ZC3H11A: variants seen among roughly 807,000 people sequenced by gnomAD.
ZC3H11A encodes the protein zinc finger CCCH-type containing 11A.
In ZC3H11A, 22 loss-of-function variants were observed where a neutral mutation model predicts 90.8. The ratio of observed to expected loss-of-function variants is 0.24; its 90% CI spans 0.17 to 0.35. ZC3H11A has a LOEUF of 0.35. Ranked by LOEUF, ZC3H11A falls within the 10% of genes least tolerant of loss-of-function variation. The pLI, the probability that ZC3H11A is intolerant of heterozygous loss-of-function variation, is 1.00. For synonymous variants in ZC3H11A, 294 were observed against 339.8 expected, an observed-to-expected ratio of 0.87 and a Z score of 1.48; for missense variants, 701 against 964.9, an observed-to-expected ratio of 0.73 and a Z score of 3.62.
At chr1:203,810,833 A>G (rs1360135165) in intron 2 of ZC3H11A, among the ~76,000 whole-genome samples, 1 of 152,066 alleles carries the variant, frequency 6.6e-6, no homozygotes, top group East Asian at 1.9e-4. Flanking sequence ...CTTTGCAGAA[A>G]ATGATTTGAA....
chr1:203,850,732 A>G (rs1159169958), intron 16 of ZC3H11A, 51 bp downstream of exon 16: 2 of 1,579,002 alleles, frequency 1.3e-6, no homozygotes, highest in East Asian at 4.7e-5. Flanking sequence ...GTAGGAAAGC[A>G]GGAAAGACTA....
intron 12 of ZC3H11A, among the ~76,000 whole-genome samples, chr1:203,842,961 G>T: frequency 6.6e-6 from 1 of 150,592 alleles, no homozygotes; most frequent in African/African-American, 2.4e-5. Context: ...TCAGTTTGAG[G>T]CTTTTAAAAA....
intron 4 of ZC3H11A, among the ~76,000 whole-genome samples, chr1:203,819,067 CAAA>C (rs747588582): frequency 7.2e-5 from 7 of 97,212 alleles, no homozygotes; most frequent in East Asian, 2.8e-4. Flanking sequence ...CACTCCGTCT[CAAA>C]AAAAAAAATA....
At chr1:203,837,330 T>G (rs1684670613) in intron 10 of ZC3H11A, among the ~76,000 whole-genome samples, 1 of 152,136 alleles carries the variant, frequency 6.6e-6, no homozygotes, top group Non-Finnish European at 1.5e-5. Flanking sequence ...TGAAGATTTT[T>G]CACATTTCTA....
chr1:203,817,901 T>A (rs2102785823), intron 3 of ZC3H11A, among the ~76,000 whole-genome samples: 1 of 152,130 alleles, frequency 6.6e-6, no homozygotes, highest in African/African-American at 2.4e-5. Flanking sequence ...TTCTGGCGCC[T>A]GCCACCACAC....
intron 12 of ZC3H11A, among the ~76,000 whole-genome samples, 161 bp from the exon 13 acceptor site, chr1:203,847,023 A>C (rs1688096518): frequency 6.6e-6 from 1 of 152,004 alleles, no homozygotes. Context: ...AAAGAAAAAG[A>C]AAAAAAGGAA....
chr1:203,822,457 T>A lies in ZC3H11A; in HGVS notation c.174+3768T>A, dbSNP rs149483936. The stretch of plus-strand genomic sequence containing the variant: ...CCAACACGATCCCTATAATGGATAC[T>A]GTTTTCACACCTTTGGGCTGTGATA... On this transcript the variant is annotated intron_variant, in intron 4 of 17. Transcript: ENST00000367210. 4.1e-4 allele frequency among the ~76,000 whole-genome samples: 63 copies of A among 152,190 alleles called. No individual in the cohort carries two copies. In the East Asian group the frequency reaches 0.011, roughly 27 times the overall value.
At position 203,798,092 on chromosome 1, in the gene ZC3H11A, T is replaced by G. The variant is rs570077096; in HGVS notation, c.-1588+2298T>G. The G allele has an allele frequency of 1.3e-4, 199 of 1,536,126 alleles. No individual in the cohort carries two copies. In the African/African-American group the frequency reaches 2.6e-3, roughly 20 times the overall value. On this transcript the variant is annotated intron_variant, in intron 1 of 17. Coordinates refer to ENST00000367210, the MANE Select transcript of ZC3H11A (RefSeq NM_001376342.1). ...CTCATTGGACCAGGGCCAACAAGTT[T>G]GGAGTTGCTAGTGGAGAGGAGGACT... is the stretch of plus-strand genomic sequence containing the variant.
chr1:203,829,111 G>C (rs1681456614), intron 5 of ZC3H11A, among the ~76,000 whole-genome samples: 1 of 152,160 alleles, frequency 6.6e-6, no homozygotes, highest in Non-Finnish European at 1.5e-5. Flanking sequence ...TCATATGCTT[G>C]GGTCTTAGAA....
intron 3 of ZC3H11A, among the ~76,000 whole-genome samples, chr1:203,817,948 C>T (rs1039203472): frequency 5.3e-5 from 8 of 152,046 alleles, no homozygotes; most frequent in Admixed American, 4.6e-4. Context: ...CAGGGTTTCA[C>T]GTGTTGGCCA....
At chr1:203,797,704 A>T in intron 1 of ZC3H11A, 2 of 1,534,972 alleles carry the variant, frequency 1.3e-6, no homozygotes, top group Non-Finnish European at 1.7e-6. Context: ...CAGCCTGCTA[A>T]AAAGAAAAGA....
chr1:203,851,968 CAAAAAAAAA>C (rs57160781), intron 17 of ZC3H11A, among the ~76,000 whole-genome samples, 164 bp from the exon 18 acceptor site: 1 of 45,844 alleles, frequency 2.2e-5, no homozygotes, highest in Non-Finnish European at 3.5e-5. Context: ...GACTCTGCCT[CAAAAAAAAA>C]AAAAAAAAAA....
At position 203,845,037 on chromosome 1, in the gene ZC3H11A, C is replaced by T. The variant is rs184272330; in HGVS notation, c.1043-2147C>T. Among the ~76,000 whole-genome samples, 5 of 152,210 alleles carry T rather than the reference C, an allele frequency of 3.3e-5. No homozygotes were observed. The East Asian group carries it at 7.7e-4, about 24-fold the overall frequency. The stretch of plus-strand genomic sequence containing the variant: ...ACCCTAATGGTTATGTCAGATCCCA[C>T]CGTTGCTTTTAATATTAGTTAACCC... On this transcript the variant is annotated intron_variant, in intron 12 of 17. Transcript: ENST00000367210.
rs1689496063 is a variant in ZC3H11A, at chr1:203,852,261, C to A, written c.2295C>A (p.Pro765=). The A allele has an allele frequency of 6.2e-7, 1 of 1,613,544 alleles. No homozygotes were observed. Among genetic ancestry groups the A allele is most frequent in the African/African-American group, 1.3e-5 (1 of 74,786 alleles). ...TCAGCTCTGCCTCAACAGGAAAGCC[C>A]CCACTCTCTGTGGAGGATGATTTTG... ...RRLSSASTGK[P]PLSVEDDFEK... Residue 765 remains proline, a synonymous_variant, in exon 18 of 18, where the codon CCC becomes CCA. Transcript: ENST00000367210.
chr1:203,843,177 C>G (rs1259242908), intron 12 of ZC3H11A, among the ~76,000 whole-genome samples: 2 of 151,980 alleles, frequency 1.3e-5, no homozygotes, highest in Non-Finnish European at 2.9e-5. Flanking sequence ...GCTGCAGGTT[C>G]ACTGTTGTGG....
At chr1:203,804,712 G>T (rs374498175) in intron 2 of ZC3H11A, among the ~76,000 whole-genome samples, 3 of 134,774 alleles carry the variant, frequency 2.2e-5, no homozygotes, top group Admixed American at 8.0e-5. Flanking sequence ...TGCTCTCGTT[G>T]CCTAGGCTGG....
chr1:203,838,143 TC>T, intron 11 of ZC3H11A, 79 bp downstream of exon 11: 1 of 1,357,322 alleles, frequency 7.4e-7, no homozygotes, highest in Non-Finnish European at 1.0e-6. Flanking sequence ...CTATGGTTTT[TC>T]ATTCTTTTGT....
rs1241276293 is a variant in ZC3H11A, at chr1:203,800,194, A to G, written c.-1587-1381A>G. On this transcript the variant is annotated intron_variant, in intron 1 of 17. Coordinates refer to ENST00000367210, the MANE Select transcript of ZC3H11A (RefSeq NM_001376342.1). ...GACCCTTTAATTTACTGGCAGAGGA[A>G]GATAAGCATATGGCCGGCTTTGACC... is the stretch of plus-strand genomic sequence containing the variant. 2.0e-6 allele frequency: 3 copies of G among 1,515,818 alleles called. No homozygotes were observed. In the Admixed American group the frequency reaches 5.9e-5, roughly 30 times the overall value. The allele number at this position is 1,515,818 out of a possible 1,614,324, so 93.9% of individuals were successfully genotyped here.
At position 203,852,128 on chromosome 1, in the gene ZC3H11A, T is replaced by C. The variant is rs1689462915; in HGVS notation, c.2175-13T>C. 9 of 1,613,106 alleles carry C rather than the reference T, an allele frequency of 5.6e-6. No homozygotes were observed. Among genetic ancestry groups the C allele is most frequent in the Admixed American group, 1.7e-5 (1 of 59,838 alleles). On this transcript the variant is annotated splice_polypyrimidine_tract_variant and intron_variant, in intron 17 of 17. Transcript: ENST00000367210. ...AAAACGGCAGTTTTCTAATAATCTT[T>C]TTTTTCTTACAGTCTTGTGCTGCCT...
Sources: allele counts gnomAD v4.1 joint callset (sites outside exome capture counted in the v4.1 genomes callset), GRCh38; gene constraint gnomAD v4.1.1; transcripts MANE v1.5; gene names NCBI Gene and HGNC (gene_info 2026-07-23, HGNC 2026-07-21).